Variants in CDK14 observed in about 807,000 individuals in gnomAD.
CDK14 encodes the protein cyclin dependent kinase 14, also known as cyclin-dependent kinase 14.
CDK14 carries 34 observed loss-of-function variants against 60.7 expected under a neutral mutation model. The ratio of observed to expected loss-of-function variants is 0.56; its 90% CI spans 0.43 to 0.75. CDK14 has a LOEUF of 0.75. CDK14 is among the 30% of genes least tolerant of loss of function. The probability of loss-of-function intolerance (pLI) is 0.00; values close to 1 mark genes in which losing one functional copy is unlikely to be tolerated. For missense variants in CDK14, 482 were observed against 564.1 expected, an observed-to-expected ratio of 0.85 and a Z score of 1.47; for synonymous variants, 197 against 203.7, an observed-to-expected ratio of 0.97 and a Z score of 0.28.
chr7:90,937,408 G>T (rs1297307734), intron 8 of CDK14, among the ~76,000 whole-genome samples: 1 of 152,146 alleles, frequency 6.6e-6, no homozygotes, highest in African/African-American at 2.4e-5. Context: ...GGTAAATGTA[G>T]TGTGAAAACC....
chr7:91,129,152 G>A (rs1278673721), intron 14 of CDK14, among the ~76,000 whole-genome samples: 1 of 152,142 alleles, frequency 6.6e-6, no homozygotes, highest in Non-Finnish European at 1.5e-5. Context: ...GGCCTTCATG[G>A]GGTCAAAACT....
At chr7:91,113,442 G>T (rs803159) in intron 13 of CDK14, among the ~76,000 whole-genome samples, 63,908 of 151,954 alleles carry the variant, frequency 0.42, 15,508 homozygotes, top group Non-Finnish European at 0.56. Context: ...AGGATTTATG[G>T]CTGGGAGGAT....
chr7:91,062,509 A>T (rs1480246577), intron 11 of CDK14, among the ~76,000 whole-genome samples: 1 of 150,796 alleles, frequency 6.6e-6, no homozygotes, highest in East Asian at 2.0e-4. Context: ...GGAGCTGTAG[A>T]CTGGAGCTGT....
intron 11 of CDK14, 106 bp from the exon 12 acceptor site, chr7:91,079,326 C>G: frequency 1.4e-6 from 1 of 691,628 alleles, no homozygotes; most frequent in South Asian, 1.9e-5. Context: ...GCTGGCCTAA[C>G]TGACTGAGTA....
intron 2 of CDK14, among the ~76,000 whole-genome samples, chr7:90,607,222 C>T (rs758822372): frequency 5.3e-5 from 8 of 152,124 alleles, no homozygotes; most frequent in Non-Finnish European, 8.8e-5. Context: ...TTTTTTTGAA[C>T]GCTTGTTTTT....
At chr7:90,789,413 A>G (rs1170182114) in intron 4 of CDK14, among the ~76,000 whole-genome samples, 1 of 152,076 alleles carries the variant, frequency 6.6e-6, no homozygotes, top group Non-Finnish European at 1.5e-5. Flanking sequence ...TGTACCTTTT[A>G]CATTTTTAAT....
chr7:90,653,936 C>T (rs200485197), intron 2 of CDK14, among the ~76,000 whole-genome samples: 1 of 152,094 alleles, frequency 6.6e-6, no homozygotes, highest in South Asian at 2.1e-4. Flanking sequence ...TCTGTCCTTG[C>T]GATAGTTTGC....
At chr7:90,668,929 A>G (rs917068519) in intron 2 of CDK14, among the ~76,000 whole-genome samples, 11 of 151,562 alleles carry the variant, frequency 7.3e-5, no homozygotes, top group Admixed American at 1.3e-4. Context: ...ACGGGGTCTC[A>G]CTGTGTTGCT....
chr7:91,086,131 A>G (rs530795564), intron 12 of CDK14, among the ~76,000 whole-genome samples: 5 of 152,208 alleles, frequency 3.3e-5, no homozygotes, highest in Non-Finnish European at 7.3e-5. Context: ...GAAACACTAC[A>G]CTAAAGAGTC....
intron 2 of CDK14, chr7:90,709,885 G>C (rs765136063): frequency 6.2e-5 from 81 of 1,311,980 alleles, no homozygotes; most frequent in African/African-American, 7.7e-5. Flanking sequence ...GCCTGGCCTG[G>C]TGCAAACACA....
chr7:90,989,694 G>T (rs571311982), intron 10 of CDK14, among the ~76,000 whole-genome samples: 50 of 152,104 alleles, frequency 3.3e-4, no homozygotes, highest in Non-Finnish European at 5.6e-4. Flanking sequence ...TAAATGTTGT[G>T]CTCTAATCCA....
intron 5 of CDK14, among the ~76,000 whole-genome samples, chr7:90,846,209 C>T (rs1790465795): frequency 6.6e-6 from 1 of 152,110 alleles, no homozygotes; most frequent in Non-Finnish European, 1.5e-5. Flanking sequence ...ATAACATATC[C>T]ATAGGTTCCT....
Position 90,616,219 on chromosome 7 carries a change from A to G in CDK14, c.123+11970A>G, listed in dbSNP as rs139317812. On this transcript the variant is annotated intron_variant, in intron 2 of 14. Coordinates refer to ENST00000380050, the MANE Select transcript of CDK14 (RefSeq NM_001287135.2). ...GAAATTTCTAACAAAGAAATGGATAAGTAAGCATTATTTTATAACAGAGAA... is the reference window on the plus strand; with the variant it reads ...GAAATTTCTAACAAAGAAATGGATAGGTAAGCATTATTTTATAACAGAGAA... Among the ~76,000 whole-genome samples, 31 of 152,296 alleles carry G rather than the reference A, an allele frequency of 2.0e-4. No individual in the cohort carries two copies. The East Asian group carries it at 3.9e-3, about 19-fold the overall frequency.
intron 2 of CDK14, 53 bp downstream of exon 2, chr7:90,604,302 A>G (rs543290767): frequency 1.7e-6 from 2 of 1,169,982 alleles, no homozygotes; most frequent in Non-Finnish European, 2.4e-6. Flanking sequence ...CTACCAGGTA[A>G]AGTCAGTAGC....
chr7:91,177,343 A>G (rs2115849219), intron 14 of CDK14, among the ~76,000 whole-genome samples: 1 of 146,296 alleles, frequency 6.8e-6, no homozygotes, highest in Non-Finnish European at 1.5e-5. Context: ...ACAAACCCAC[A>G]GCCAATATCA....
rs531970099 is a variant in CDK14, at chr7:90,864,107, T to G, written c.639+838T>G. 7.2e-5 allele frequency among the ~76,000 whole-genome samples: 11 copies of G among 152,138 alleles called. No individual in the cohort carries two copies. In the South Asian group the frequency reaches 8.3e-4, roughly 11 times the overall value. ...TTACCACACTACTTTTTAAAAAATT[T>G]GAAGTACTTTCCATTTTTCCTTAAA... On this transcript the variant is annotated intron_variant, in intron 6 of 14. Coordinates refer to ENST00000380050, the MANE Select transcript of CDK14 (RefSeq NM_001287135.2).
intron 9 of CDK14, among the ~76,000 whole-genome samples, chr7:90,981,332 T>G (rs911778618): frequency 6.6e-6 from 1 of 152,214 alleles, no homozygotes; most frequent in Non-Finnish European, 1.5e-5. Flanking sequence ...AAATCTAAAA[T>G]GAAAACAACT....
At chr7:91,020,477 G>A (rs993071038) in intron 10 of CDK14, among the ~76,000 whole-genome samples, 2 of 152,210 alleles carry the variant, frequency 1.3e-5, no homozygotes, top group Non-Finnish European at 2.9e-5. Context: ...CAGAGAGATA[G>A]ACAGTAAATA....
At chr7:90,619,810 A>G (rs1343890634) in intron 2 of CDK14, among the ~76,000 whole-genome samples, 1 of 152,214 alleles carries the variant, frequency 6.6e-6, no homozygotes, top group African/African-American at 2.4e-5. Flanking sequence ...AGCCTGGCCA[A>G]CATGGCAAAA....
Sources: allele counts gnomAD v4.1 joint callset (sites outside exome capture counted in the v4.1 genomes callset), GRCh38; gene constraint gnomAD v4.1.1; transcripts MANE v1.5; gene names NCBI Gene and HGNC (gene_info 2026-07-23, HGNC 2026-07-21).